The following APPBP2 variants were observed in gnomAD, a reference collection of about 807,000 sequenced individuals.
APPBP2 encodes amyloid beta precursor protein binding protein 2, also known as amyloid protein-binding protein 2.
A neutral mutation model predicts 76.0 loss-of-function variants in APPBP2; 15 were observed. The ratio of observed to expected loss-of-function variants is 0.20; its 90% CI spans 0.13 to 0.30. APPBP2 has a LOEUF of 0.30. Ranked by LOEUF, APPBP2 falls within the 10% of genes least tolerant of loss-of-function variation. APPBP2 has a pLI of 1.00. For synonymous variants in APPBP2, 222 were observed against 242.2 expected (o/e 0.92, Z 0.77); for missense variants, 401 against 687.2 (o/e 0.58, Z 4.66).
intron 1 of APPBP2, among the ~76,000 whole-genome samples, chr17:60,520,829 T>G (rs1330108381): frequency 6.6e-6 from 1 of 152,178 alleles, no homozygotes. Flanking sequence ...CCCGAACTGT[T>G]GGGATTACAG....
At chr17:60,481,953 G>A (rs2143389131) in intron 3 of APPBP2, among the ~76,000 whole-genome samples, 1 of 152,282 alleles carries the variant, frequency 6.6e-6, no homozygotes, top group South Asian at 2.1e-4. Flanking sequence ...CGTGATCTCG[G>A]CTCACCGCAA....
At chr17:60,494,143 T>C (rs1567933913) in intron 3 of APPBP2, among the ~76,000 whole-genome samples, 1 of 152,178 alleles carries the variant, frequency 6.6e-6, no homozygotes, top group African/African-American at 2.4e-5. Flanking sequence ...AAACACATAT[T>C]ATGGAATCAC....
In APPBP2 at chr17:60,474,809, C is replaced by T. The variant is rs111784139; in HGVS notation, c.503+4339G>A. 2.5e-3 allele frequency among the ~76,000 whole-genome samples: 379 copies of T among 152,248 alleles called. 1 individual carries two copies. The highest frequency in any genetic ancestry group is 8.9e-3 in the African/African-American group (368 of 41,546). On this transcript the variant is annotated intron_variant, in intron 4 of 12. Coordinates refer to ENST00000083182, the MANE Select transcript of APPBP2 (RefSeq NM_006380.5). ...TTTGTTCTTCATTCTCTTCCTACTC[C>T]ATTTACATGTGAGACATATATTACA...
intron 11 of APPBP2, among the ~76,000 whole-genome samples, chr17:60,453,751 C>G (rs140139317): frequency 2.6e-5 from 4 of 151,962 alleles, no homozygotes; most frequent in Non-Finnish European, 5.9e-5. Context: ...ATTGACCAGG[C>G]TAATCTTCAA....
intron 1 of APPBP2, among the ~76,000 whole-genome samples, chr17:60,503,004 T>G (rs953412116): frequency 6.9e-6 from 1 of 145,392 alleles, no homozygotes; most frequent in Non-Finnish European, 1.5e-5. Flanking sequence ...ATTTGGCTGT[T>G]TAAATTTTCT....
chr17:60,490,686 C>T (rs938546897), intron 3 of APPBP2, among the ~76,000 whole-genome samples: 1 of 152,080 alleles, frequency 6.6e-6, no homozygotes, highest in African/African-American at 2.4e-5. Flanking sequence ...CCCATAATTC[C>T]CACATTATGG....
chr17:60,466,226 T>G lies in APPBP2; in HGVS notation c.672+65A>C, dbSNP rs542197803. 1.3e-4 allele frequency: 193 copies of G among 1,435,774 alleles called. No homozygotes were observed. In the African/African-American group the frequency reaches 2.4e-3, roughly 18 times the overall value. 88.9% of individuals were successfully genotyped at this position (1,435,774 alleles called of 1,614,324 possible). A position where few individuals can be genotyped will look rare whatever the true frequency, so the allele number is the denominator to read the frequency against. The stretch of plus-strand genomic sequence containing the variant: ...TGTAAGAAAAATAAGAGAAGACTAT[T>G]TGATTTACCCTCTGTTTTTATAGGT... On this transcript the variant is annotated intron_variant, in intron 5 of 12. Coordinates refer to ENST00000083182, the MANE Select transcript of APPBP2 (RefSeq NM_006380.5).
chr17:60,512,892 A>G (rs1377239731), intron 1 of APPBP2, among the ~76,000 whole-genome samples: 3 of 150,458 alleles, frequency 2.0e-5, no homozygotes, highest in Admixed American at 6.6e-5. Flanking sequence ...AGAATGCTGA[A>G]TATCTAGTAT....
chr17:60,514,834 C>CA (rs916915945), intron 1 of APPBP2, among the ~76,000 whole-genome samples: 11 of 152,076 alleles, frequency 7.2e-5, no homozygotes, highest in African/African-American at 2.7e-4. Flanking sequence ...GGCAGGGTCT[C>CA]ACTCTGTCGC....
chr17:60,498,806 C>T (rs1054752200), intron 2 of APPBP2, among the ~76,000 whole-genome samples: 5 of 152,108 alleles, frequency 3.3e-5, no homozygotes, highest in Non-Finnish European at 5.9e-5. Flanking sequence ...GTAACAACTG[C>T]AAATAAACAT....
chr17:60,496,017 A>C (rs2090773013), intron 2 of APPBP2, among the ~76,000 whole-genome samples: 1 of 152,236 alleles, frequency 6.6e-6, no homozygotes, highest in South Asian at 2.1e-4. Context: ...CATTATGCTA[A>C]GTGTCAGTCA....
chr17:60,493,981 C>G (rs973635079), intron 3 of APPBP2, among the ~76,000 whole-genome samples: 3 of 152,166 alleles, frequency 2.0e-5, no homozygotes, highest in African/African-American at 4.8e-5. Flanking sequence ...TTTTACATTT[C>G]TTTTCACTAT....
intron 5 of APPBP2, 71 bp from the exon 6 acceptor site, chr17:60,464,181 G>A (rs947485117): frequency 4.2e-6 from 5 of 1,194,626 alleles, no homozygotes; most frequent in African/African-American, 3.1e-5. Context: ...CAAGATGACT[G>A]CAAAATTTTT....
intron 11 of APPBP2, among the ~76,000 whole-genome samples, chr17:60,452,705 G>C (rs2090404068): frequency 2.0e-5 from 3 of 152,152 alleles, no homozygotes; most frequent in African/African-American, 7.2e-5. Context: ...CAGATTGCTT[G>C]AGCCCAGGAG....
intron 9 of APPBP2, among the ~76,000 whole-genome samples, chr17:60,458,050 A>G (rs569584615): frequency 2.6e-5 from 4 of 152,312 alleles, no homozygotes; most frequent in East Asian, 1.9e-4. Context: ...AAATCATACA[A>G]TATGTGATCC....
chr17:60,474,993 G>A (rs77790612), intron 4 of APPBP2, among the ~76,000 whole-genome samples: 2,288 of 152,146 alleles, frequency 0.015, 49 homozygotes, highest in African/African-American at 0.051. Context: ...ACTTTGGGGG[G>A]CCAGGGCAGG....
At chr17:60,482,492 A>ACAACGTGCAGGTTACATGTGCC (rs2090637968) in intron 3 of APPBP2, among the ~76,000 whole-genome samples, 1 of 152,168 alleles carries the variant, frequency 6.6e-6, no homozygotes, top group Non-Finnish European at 1.5e-5. Context: ...GTACATGTGC[A>ACAACGTGCAGGTTACATGTGCC]CAACGTGCAG....
intron 3 of APPBP2, among the ~76,000 whole-genome samples, chr17:60,489,768 G>A (rs751587125): frequency 3.9e-5 from 6 of 152,134 alleles, no homozygotes; most frequent in Non-Finnish European, 7.4e-5. Context: ...GGGTGCAGTG[G>A]CTCACGCCTA....
rs59745907 is a variant in APPBP2, at chr17:60,480,242, G to A, written c.380-971C>T. 1.7e-3 allele frequency among the ~76,000 whole-genome samples: 253 copies of A among 152,208 alleles called. 7 individuals carry two copies. The East Asian group carries it at 0.047, about 28-fold the overall frequency. On this transcript the variant is annotated intron_variant, in intron 3 of 12. Transcript: ENST00000083182. ...ACAAAAGTAAGCCGGATGTGGTGGC[G>A]AGTGCCTGTAGTCCCAGCTACTCAG...
Sources: allele counts gnomAD v4.1 joint callset (sites outside exome capture counted in the v4.1 genomes callset), GRCh38; gene constraint gnomAD v4.1.1; transcripts MANE v1.5; gene names NCBI Gene and HGNC (gene_info 2026-07-23, HGNC 2026-07-21).